UBE2G2: variants seen among roughly 807,000 people sequenced by gnomAD.
The protein encoded by UBE2G2 is ubiquitin conjugating enzyme E2 G2.
A neutral mutation model predicts 23.0 loss-of-function variants in UBE2G2; 10 were observed. The ratio of observed to expected loss-of-function variants is 0.43; its 90% confidence interval spans 0.27 to 0.74. The LOEUF is 0.74. Among genes scored for constraint, UBE2G2 ranks in the 30% least tolerant of loss-of-function variants. The pLI, the probability that UBE2G2 is intolerant of heterozygous loss-of-function variation, is 0.19. For synonymous variants in UBE2G2, 86 were observed against 81.3 expected (o/e 1.06, Z -0.31); for missense variants, 150 against 218.3 (o/e 0.69, Z 1.97).
intron 1 of UBE2G2, among the ~76,000 whole-genome samples, chr21:44,796,629 ACTG>A (rs2083091907): frequency 1.3e-5 from 2 of 152,246 alleles, no homozygotes; most frequent in Admixed American, 1.3e-4. Context: ...ATCTTCTGTC[ACTG>A]CTGTAACAAA....
chr21:44,771,819 G>T lies in UBE2G2; in HGVS notation c.386-330C>A, dbSNP rs1254467205. Among the ~76,000 whole-genome samples the T allele has an allele frequency of 3.9e-5, 6 of 152,094 alleles. No individual in the cohort carries two copies. The highest frequency in any genetic ancestry group is 1.4e-4 in the African/African-American group (6 of 41,404). Reference sequence around the variant, plus strand: ...AGCCTCCTGGGCCACTGCACTTCTGGCACCCGGACAAGCTACACGGGGACC... The same window carrying T: ...AGCCTCCTGGGCCACTGCACTTCTGTCACCCGGACAAGCTACACGGGGACC... On this transcript the variant is annotated intron_variant, in intron 5 of 5. Transcript: ENST00000345496. The surrounding 1 kb of genome is among the most constrained non-coding windows in gnomAD (Gnocchi z 4.6).
chr21:44,783,373 C>T (rs13051119), intron 3 of UBE2G2, among the ~76,000 whole-genome samples: 16,962 of 152,214 alleles, frequency 0.11, 1,842 homozygotes, highest in East Asian at 0.53. Flanking sequence ...AAACATTAAA[C>T]GCAAATTTAC....
chr21:44,790,677 T>A (rs1433289421), intron 1 of UBE2G2, among the ~76,000 whole-genome samples: 1 of 152,250 alleles, frequency 6.6e-6, no homozygotes, highest in Non-Finnish European at 1.5e-5. Flanking sequence ...TCTGTCATGA[T>A]AAGTTTCCTG....
At position 44,771,083 on chromosome 21, in the gene UBE2G2, T is replaced by C. The variant is rs895376194; in HGVS notation, c.*294A>G. ...GAGGGAGGGAATCCACAGGAAGCCA[T>C]GAACTGCTGGTTTCAGCGGGGAGAG... is the stretch of plus-strand genomic sequence containing the variant. On this transcript the variant is annotated 3_prime_UTR_variant, in exon 6 of 6. Transcript: ENST00000345496. This position sits in a 1 kb window ranked among gnomAD's most constrained non-coding sequence, Gnocchi z 4.6. The C allele has an allele frequency of 2.1e-5, 7 of 337,302 alleles. No individual in the cohort carries two copies. Among genetic ancestry groups the C allele is most frequent in the Admixed American group, 4.5e-5 (1 of 22,130 alleles). 20.9% of individuals were successfully genotyped at this position (337,302 alleles called of 1,614,324 possible). A position where few individuals can be genotyped will look rare whatever the true frequency, so the allele number is the denominator to read the frequency against.
At chr21:44,780,471 C>G (rs1316516484) in intron 3 of UBE2G2, among the ~76,000 whole-genome samples, 1 of 152,224 alleles carries the variant, frequency 6.6e-6, no homozygotes, top group Non-Finnish European at 1.5e-5. Flanking sequence ...ACAAATATAT[C>G]CAAAGCAAAT....
At position 44,772,146 on chromosome 21, in the gene UBE2G2, G is replaced by A. The variant is rs1012724892; in HGVS notation, c.386-657C>T. ...TGCTGAGGCAGCAGCTGTGCAGTGC[G>A]GCGGTGGCGCTGCTCAGAATGCACG... On this transcript the variant is annotated intron_variant, in intron 5 of 5. Coordinates refer to ENST00000345496, the MANE Select transcript of UBE2G2 (RefSeq NM_003343.6). The surrounding 1 kb of genome is among the most constrained non-coding windows in gnomAD (Gnocchi z 5.4). Among the ~76,000 whole-genome samples the A allele has an allele frequency of 9.2e-5, 14 of 152,180 alleles. No homozygotes were observed. The highest frequency in any genetic ancestry group is 3.8e-4 in the East Asian group (2 of 5,198).
At position 44,771,019 on chromosome 21, in the gene UBE2G2, CT is replaced by C; in HGVS notation, c.*357del. The stretch of plus-strand genomic sequence containing the variant: ...AGCGTTCTGGGTATTCCATCGTCCC[CT>C]GGAAGTCTGGCAGGTACAACCCCCT... On this transcript the variant is annotated 3_prime_UTR_variant, in exon 6 of 6. Coordinates refer to ENST00000345496, the MANE Select transcript of UBE2G2 (RefSeq NM_003343.6). The surrounding 1 kb of genome is among the most constrained non-coding windows in gnomAD (Gnocchi z 4.6). 1 of 194,308 alleles carries C rather than the reference CT, an allele frequency of 5.1e-6. No individual in the cohort carries two copies. The highest frequency in any genetic ancestry group is 1.1e-5 in the Non-Finnish European group (1 of 94,246). 12.0% of individuals were successfully genotyped at this position (194,308 alleles called of 1,614,324 possible).
chr21:44,792,925 C>G (rs1322103182), intron 1 of UBE2G2, among the ~76,000 whole-genome samples: 2 of 152,214 alleles, frequency 1.3e-5, no homozygotes, highest in Non-Finnish European at 2.9e-5. Flanking sequence ...GTGCATTAAA[C>G]ATTTCAGGGG....
rs1444248974 is a variant in UBE2G2, at chr21:44,801,796, G to T, written c.-48C>A. The T allele has an allele frequency of 1.3e-6, 2 of 1,501,090 alleles. No individual in the cohort carries two copies. Among genetic ancestry groups the T allele is most frequent in the East Asian group, 2.9e-5 (1 of 34,902 alleles). 93.0% of individuals were successfully genotyped at this position (1,501,090 alleles called of 1,614,324 possible). A position where few individuals can be genotyped will look rare whatever the true frequency, so the allele number is the denominator to read the frequency against. ...GCGACCTCGCCTCAGCCGCGCGCGT[G>T]CCTCCTGCCCCGACACCGGGGACTG... On this transcript the variant is annotated 5_prime_UTR_variant, in exon 1 of 6. Transcript: ENST00000345496.
intron 4 of UBE2G2, among the ~76,000 whole-genome samples, chr21:44,776,022 C>T (rs1345848340): frequency 6.6e-6 from 1 of 152,092 alleles, no homozygotes; most frequent in Non-Finnish European, 1.5e-5. Context: ...CGCCCACTAC[C>T]TATGTGTACC....
At chr21:44,788,215 G>A in intron 1 of UBE2G2, 120 bp from the exon 2 acceptor site, 2 of 907,450 alleles carry the variant, frequency 2.2e-6, no homozygotes, top group Non-Finnish European at 3.2e-6. Flanking sequence ...ATTAACAAGT[G>A]AAAATTCTGT....
intron 3 of UBE2G2, among the ~76,000 whole-genome samples, chr21:44,783,866 C>T (rs2082974800): frequency 1.3e-5 from 2 of 152,326 alleles, no homozygotes; most frequent in Middle Eastern, 3.4e-3. Flanking sequence ...CTCAATAAAG[C>T]TGTTTAGGCT....
At chr21:44,775,230 C>T (rs1245323106) in intron 4 of UBE2G2, 2 of 152,938 alleles carry the variant, frequency 1.3e-5, no homozygotes, top group South Asian at 4.1e-4. Context: ...CCCTCCTCCC[C>T]GAATCACTCA....
At chr21:44,778,067 G>A (rs2082926645) in intron 3 of UBE2G2, among the ~76,000 whole-genome samples, 1 of 152,212 alleles carries the variant, frequency 6.6e-6, no homozygotes, top group Non-Finnish European at 1.5e-5. Flanking sequence ...TAAGATCTGG[G>A]AGTTTTTTCT....
In UBE2G2 at chr21:44,772,987, C is replaced by G. The variant is rs1392717981; in HGVS notation, c.385+560G>C. On this transcript the variant is annotated intron_variant, in intron 5 of 5. Transcript: ENST00000345496. This position sits in a 1 kb window ranked among gnomAD's most constrained non-coding sequence, Gnocchi z 5.4. ...CAAAATGAGCTGGCAGTGCCCCCATCAAGTCAGCCACCTCCTGCCTCTGGG... is the reference window on the plus strand; with the variant it reads ...CAAAATGAGCTGGCAGTGCCCCCATGAAGTCAGCCACCTCCTGCCTCTGGG... Among the ~76,000 whole-genome samples, 1 of 152,212 alleles carries G rather than the reference C, an allele frequency of 6.6e-6. No individual in the cohort carries two copies.
intron 1 of UBE2G2, chr21:44,801,309 T>C (rs1181666512): frequency 6.8e-6 from 7 of 1,032,624 alleles, no homozygotes; most frequent in African/African-American, 1.7e-5. Context: ...CAACGAGCCT[T>C]TCCCCTTTTA....
intron 3 of UBE2G2, among the ~76,000 whole-genome samples, chr21:44,778,077 T>C (rs75356550): frequency 0.024 from 3,688 of 152,316 alleles, 151 homozygotes; most frequent in African/African-American, 0.084. Context: ...GAGTTTTTTC[T>C]GCAGATGTGG....
chr21:44,775,007 G>A, intron 4 of UBE2G2: 1 of 291,010 alleles, frequency 3.4e-6, no homozygotes, highest in South Asian at 2.8e-5. Context: ...GGCCTGCCTG[G>A]CTTCCTCCCA....
chr21:44,796,542 C>CA (rs1169642469), intron 1 of UBE2G2, among the ~76,000 whole-genome samples: 29 of 151,854 alleles, frequency 1.9e-4, no homozygotes, highest in Admixed American at 8.5e-4. Flanking sequence ...AAATGATACA[C>CA]AAAAAAAACC....
Sources: allele counts gnomAD v4.1 joint callset (sites outside exome capture counted in the v4.1 genomes callset), GRCh38; gene constraint gnomAD v4.1.1; non-coding constraint Gnocchi (gnomAD v3.1); transcripts MANE v1.5; gene names NCBI Gene and HGNC (gene_info 2026-07-23, HGNC 2026-07-21).